Variants in FAT3 observed in about 807,000 individuals in gnomAD.
FAT3 encodes the protein FAT atypical cadherin 3.
In FAT3, 95 loss-of-function variants were observed where a neutral mutation model predicts 310.2. The ratio of observed to expected loss-of-function variants is 0.31; its 90% confidence interval spans 0.26 to 0.36. The LOEUF is 0.36. FAT3 is among the 10% of genes least tolerant of loss of function. The probability of loss-of-function intolerance (pLI) is 1.00; values close to 1 mark genes in which losing one functional copy is unlikely to be tolerated. For synonymous variants in FAT3, 2,314 were observed against 2,192.9 expected, an observed-to-expected ratio of 1.06 and a Z score of -1.54; for missense variants, 5,408 against 5,715.6, an observed-to-expected ratio of 0.95 and a Z score of 1.74.
intron 4 of FAT3, among the ~76,000 whole-genome samples, chr11:92,711,802 G>A (rs531359318): frequency 6.6e-6 from 1 of 152,206 alleles, no homozygotes; most frequent in Non-Finnish European, 1.5e-5. Context: ...CATCTAAACA[G>A]GTTACCCACA....
intron 13 of FAT3, among the ~76,000 whole-genome samples, chr11:92,828,687 T>G (rs1948160962): frequency 6.6e-6 from 1 of 152,076 alleles, no homozygotes; most frequent in Admixed American, 6.5e-5. Flanking sequence ...GAGTTAAAAT[T>G]AACAGAATCT....
chr11:92,653,966 C>T (rs1942480753), intron 3 of FAT3, among the ~76,000 whole-genome samples: 1 of 152,138 alleles, frequency 6.6e-6, no homozygotes, highest in East Asian at 1.9e-4. Flanking sequence ...TAAGCTTTTC[C>T]ATCTTTAGTT....
chr11:92,880,682 C>T (rs1949653313), intron 22 of FAT3, 49 bp from the exon 23 acceptor site: 1 of 1,577,364 alleles, frequency 6.3e-7, no homozygotes, highest in Non-Finnish European at 8.6e-7. Flanking sequence ...TCCAAGCACT[C>T]AGCCCTAGCA....
chr11:92,548,959 G>A (rs1224610833), intron 3 of FAT3, among the ~76,000 whole-genome samples: 13 of 152,116 alleles, frequency 8.5e-5, no homozygotes, highest in Admixed American at 7.9e-4. Flanking sequence ...TTGGCATCAA[G>A]CTTATATTCT....
chr11:92,405,263 C>T (rs533370095), intron 2 of FAT3, among the ~76,000 whole-genome samples: 21 of 152,290 alleles, frequency 1.4e-4, no homozygotes, highest in Admixed American at 4.6e-4. Context: ...AGTGCCTTCT[C>T]ATGGTGCTCT....
chr11:92,535,235 G>C (rs998094241), intron 3 of FAT3, among the ~76,000 whole-genome samples: 1 of 152,146 alleles, frequency 6.6e-6, no homozygotes, highest in Admixed American at 6.5e-5. Flanking sequence ...AGAGACTGGA[G>C]TTAGAAGCAG....
At chr11:92,430,558 G>T (rs568516733) in intron 2 of FAT3, among the ~76,000 whole-genome samples, 16 of 151,728 alleles carry the variant, frequency 1.1e-4, no homozygotes, top group African/African-American at 3.9e-4. Context: ...TGTGTACAAC[G>T]TGCAGGTTAG....
intron 2 of FAT3, 130 bp from the exon 3 acceptor site, chr11:92,524,504 A>T: frequency 2.7e-6 from 2 of 749,802 alleles, no homozygotes; most frequent in Non-Finnish European, 4.2e-6. Flanking sequence ...ATCTTAATTT[A>T]ACCTTATGTT....
chr11:92,647,734 T>C (rs1942218019), intron 3 of FAT3, among the ~76,000 whole-genome samples: 3 of 152,100 alleles, frequency 2.0e-5, no homozygotes, highest in African/African-American at 7.2e-5. Context: ...TTAAATGGAA[T>C]TTCCTCAATC....
intron 10 of FAT3, among the ~76,000 whole-genome samples, chr11:92,804,507 GTTTTC>G (rs1405119750): frequency 6.6e-6 from 1 of 151,996 alleles, no homozygotes; most frequent in African/African-American, 2.4e-5. Flanking sequence ...CACTTCATCT[GTTTTC>G]TTTTCTTCCA....
At chr11:92,448,959 C>T (rs1360766706) in intron 2 of FAT3, among the ~76,000 whole-genome samples, 1 of 152,204 alleles carries the variant, frequency 6.6e-6, no homozygotes, top group Non-Finnish European at 1.5e-5. Context: ...CAACCTCTGT[C>T]TCCAGTTGAG....
chr11:92,539,659 T>A (rs1329959245), intron 3 of FAT3, among the ~76,000 whole-genome samples: 1 of 152,148 alleles, frequency 6.6e-6, no homozygotes, highest in African/African-American at 2.4e-5. Context: ...TTTGGACTTG[T>A]TATTTAAGTT....
chr11:92,746,781 C>G lies in FAT3; in HGVS notation c.3670-15075C>G, dbSNP rs558252220. ...GGAGAAATTGGCCAAAACATAGGGG[C>G]TACAGGCCCCATGCAAGTCCAAAAT... On this transcript the variant is annotated intron_variant, in intron 4 of 27. Transcript: ENST00000525166. 5.9e-5 allele frequency among the ~76,000 whole-genome samples: 9 copies of G among 152,270 alleles called. No individual in the cohort carries two copies. In the South Asian group the frequency reaches 1.9e-3, roughly 32 times the overall value.
chr11:92,644,680 C>CA (rs1287587334), intron 3 of FAT3, among the ~76,000 whole-genome samples: 1 of 152,072 alleles, frequency 6.6e-6, no homozygotes, highest in African/African-American at 2.4e-5. Context: ...GTCCTGAGGC[C>CA]AAAAAACCCA....
At chr11:92,236,291 A>G (rs1365792069) in intron 1 of FAT3, among the ~76,000 whole-genome samples, 1 of 152,174 alleles carries the variant, frequency 6.6e-6, no homozygotes, top group African/African-American at 2.4e-5. Context: ...GGTACATAAT[A>G]ATGCTTGTCT....
intron 2 of FAT3, among the ~76,000 whole-genome samples, chr11:92,372,936 A>G (rs981309573): frequency 6.6e-6 from 1 of 152,198 alleles, no homozygotes; most frequent in Non-Finnish European, 1.5e-5. Flanking sequence ...CTGGGATTAC[A>G]GGCATGAGCC....
intron 12 of FAT3, among the ~76,000 whole-genome samples, chr11:92,806,814 G>A (rs922835894): frequency 1.3e-5 from 2 of 152,106 alleles, no homozygotes; most frequent in African/African-American, 2.4e-5. Context: ...GGAAGTTGGG[G>A]GACTGTAGGC....
chr11:92,840,859 A>G (rs534155681), intron 18 of FAT3, 100 bp downstream of exon 18: 72 of 1,141,158 alleles, frequency 6.3e-5, no homozygotes, highest in Non-Finnish European at 8.6e-5. Context: ...AAGTCAACAT[A>G]ATTCATTACC....
At chr11:92,309,234 GTCC>G (rs1190126096) in intron 1 of FAT3, among the ~76,000 whole-genome samples, 1 of 147,292 alleles carries the variant, frequency 6.8e-6, no homozygotes, top group East Asian at 2.0e-4. Context: ...TGGCGGTCCT[GTCC>G]TCATTGTTCT....
Sources: gnomAD v4.1 joint callset for allele counts (sites outside exome capture counted in the v4.1 genomes callset) on GRCh38, gnomAD v4.1.1 for gene constraint, MANE v1.5 for transcripts, NCBI Gene and HGNC (gene_info 2026-07-23, HGNC 2026-07-21) for gene names.